SLC14A2: variants seen among roughly 807,000 people sequenced by gnomAD.
SLC14A2 encodes the protein urea transporter 2.
A neutral mutation model predicts 104.6 loss-of-function variants in SLC14A2; 91 were observed. The ratio of observed to expected loss-of-function variants is 0.87; its 90% CI spans 0.73 to 1.04. The LOEUF (loss-of-function observed/expected upper bound fraction) is 1.04, where lower values mean the gene tolerates loss of function less well. SLC14A2 is among the 50% of genes least tolerant of loss of function. SLC14A2 has a pLI of 0.00. For missense variants in SLC14A2, 1,189 were observed against 1,156.0 expected (o/e 1.03, Z -0.41); for synonymous variants, 476 against 466.4 (o/e 1.02, Z -0.27).
intron 2 of SLC14A2, among the ~76,000 whole-genome samples, chr18:45,582,605 G>A (rs769781562): frequency 3.3e-5 from 5 of 152,112 alleles, no homozygotes; most frequent in African/African-American, 9.7e-5. Flanking sequence ...TTAGTCCAAC[G>A]TGCTGATTTT....
intron 1 of SLC14A2, among the ~76,000 whole-genome samples, chr18:45,271,982 A>T (rs780359430): frequency 2.0e-5 from 3 of 152,166 alleles, no homozygotes; most frequent in Non-Finnish European, 2.9e-5. Flanking sequence ...TAGAGAACCC[A>T]GAAACAAATC....
chr18:45,171,089 G>A, the SLC14A2 span, among the ~76,000 whole-genome samples: 1 of 152,056 alleles, frequency 6.6e-6, no homozygotes, highest in Admixed American at 6.6e-5. Context: ...TCAAAGATAG[G>A]GTTGTTAGAG....
intron 2 of SLC14A2, among the ~76,000 whole-genome samples, chr18:45,512,326 G>GA (rs944221807): frequency 7.9e-5 from 12 of 151,346 alleles, no homozygotes; most frequent in East Asian, 7.8e-4. Flanking sequence ...AAGGAGTGGA[G>GA]AAAAAAAAAT....
At chr18:45,385,447 G>A (rs2085885172) in intron 1 of SLC14A2, among the ~76,000 whole-genome samples, 1 of 152,180 alleles carries the variant, frequency 6.6e-6, no homozygotes, top group African/African-American at 2.4e-5. Flanking sequence ...GCAGAAAGTA[G>A]AACTGAGCAG....
intron 10 of SLC14A2, among the ~76,000 whole-genome samples, chr18:45,655,320 C>G (rs1019736778): frequency 3.9e-5 from 6 of 152,194 alleles, no homozygotes; most frequent in African/African-American, 1.4e-4. Context: ...AAACCAGCAC[C>G]AAACGATATA....
At chr18:45,327,864 G>A (rs950019698) in intron 1 of SLC14A2, among the ~76,000 whole-genome samples, 1 of 152,054 alleles carries the variant, frequency 6.6e-6, no homozygotes, top group Non-Finnish European at 1.5e-5. Context: ...GATAAGGCTT[G>A]GTAAATTCAT....
At position 45,225,554 on chromosome 18, in the gene SLC14A2, T is replaced by A. The variant is rs577417522; in HGVS notation, c.-125+12363T>A. ...AAAGTCATTGGTAGCTGGATGGGGA[T>A]GGCATTGAATCTATAAATTACCTTG... On this transcript the variant is annotated intron_variant, in intron 1 of 20. Coordinates refer to the SLC14A2 transcript ENST00000586448. 4.9e-4 allele frequency among the ~76,000 whole-genome samples: 75 copies of A among 152,324 alleles called. 1 individual carries two copies. The South Asian group carries it at 0.015, about 31-fold the overall frequency.
intron 1 of SLC14A2, among the ~76,000 whole-genome samples, chr18:45,308,463 G>A (rs751432227): frequency 6.6e-6 from 1 of 152,166 alleles, no homozygotes; most frequent in Non-Finnish European, 1.5e-5. Context: ...TAGAAGAAAC[G>A]TATTTTAAAG....
At chr18:45,625,399 T>A (rs1018075451) in intron 2 of SLC14A2, among the ~76,000 whole-genome samples, 30 of 152,206 alleles carry the variant, frequency 2.0e-4, no homozygotes, top group African/African-American at 7.0e-4. Flanking sequence ...ATCTTTGCAT[T>A]TACAAACATT....
intron 1 of SLC14A2, among the ~76,000 whole-genome samples, chr18:45,221,031 T>C (rs1051424524): frequency 4.6e-5 from 7 of 152,202 alleles, no homozygotes; most frequent in African/African-American, 1.7e-4. Context: ...CTCATTTCAA[T>C]TGAATCACCA....
chr18:45,170,729 A>C, the SLC14A2 span, among the ~76,000 whole-genome samples: 2 of 152,282 alleles, frequency 1.3e-5, no homozygotes, highest in African/African-American at 4.8e-5. Context: ...GTTAACTTTC[A>C]CTGAGTCTCA....
chr18:45,326,996 A>G (rs530042280), intron 1 of SLC14A2, among the ~76,000 whole-genome samples: 1 of 152,226 alleles, frequency 6.6e-6, no homozygotes, highest in African/African-American at 2.4e-5. Flanking sequence ...ATATCAATCA[A>G]TCAATCAGTC....
chr18:45,351,395 C>T (rs772250283), intron 1 of SLC14A2, among the ~76,000 whole-genome samples: 2 of 152,134 alleles, frequency 1.3e-5, no homozygotes, highest in South Asian at 2.1e-4. Context: ...CTTTCTGTTG[C>T]TCCAACTGGT....
chr18:45,460,396 G>T (rs1271587233), intron 1 of SLC14A2, among the ~76,000 whole-genome samples: 3 of 152,128 alleles, frequency 2.0e-5, no homozygotes, highest in Admixed American at 6.5e-5. Context: ...CACTAGGGCT[G>T]CCCAGTCCAC....
At chr18:45,177,792 G>A in the SLC14A2 span, among the ~76,000 whole-genome samples, 2 of 152,100 alleles carry the variant, frequency 1.3e-5, no homozygotes, top group South Asian at 4.1e-4. Context: ...TTGGCATAGA[G>A]TAGACATGCA....
chr18:45,265,802 G>A (rs1490914159), intron 1 of SLC14A2, among the ~76,000 whole-genome samples: 2 of 152,156 alleles, frequency 1.3e-5, no homozygotes, highest in Non-Finnish European at 2.9e-5. Flanking sequence ...GAGTTGCCCT[G>A]TTGTTACTGT....
intron 2 of SLC14A2, among the ~76,000 whole-genome samples, chr18:45,508,595 A>G (rs976132682): frequency 6.6e-6 from 1 of 152,162 alleles, no homozygotes; most frequent in African/African-American, 2.4e-5. Context: ...CAGTGTGAAA[A>G]CAGACTAATA....
At chr18:45,425,205 C>A (rs1344612107) in intron 1 of SLC14A2, among the ~76,000 whole-genome samples, 3 of 152,124 alleles carry the variant, frequency 2.0e-5, no homozygotes, top group African/African-American at 7.2e-5. Flanking sequence ...ATAAATATTC[C>A]ATCCAAATGC....
chr18:45,275,634 G>A (rs550818567), intron 1 of SLC14A2, among the ~76,000 whole-genome samples: 8 of 152,180 alleles, frequency 5.3e-5, no homozygotes, highest in African/African-American at 1.7e-4. Context: ...ACTTAAAATT[G>A]TGCATGCTTA....
Sources: allele counts gnomAD v4.1 joint callset (sites outside exome capture counted in the v4.1 genomes callset), GRCh38; gene constraint gnomAD v4.1.1; transcripts MANE v1.5; gene names NCBI Gene and HGNC (gene_info 2026-07-23, HGNC 2026-07-21).